SPAG16: variants seen among roughly 807,000 people sequenced by gnomAD.
The protein encoded by SPAG16 is sperm-associated antigen 16 protein.
SPAG16 carries 86 observed loss-of-function variants against 80.4 expected under a neutral mutation model. The observed-to-expected ratio is 1.07, with a 90% CI of 0.90 to 1.28. The LOEUF (loss-of-function observed/expected upper bound fraction) is 1.28. SPAG16 is among the 50% of genes most tolerant of loss of function. SPAG16 has a pLI of 0.00. For synonymous variants in SPAG16, 294 were observed against 265.9 expected (o/e 1.11, Z -1.03); for missense variants, 870 against 765.3 (o/e 1.14, Z -1.61).
chr2:213,917,276 A>G (rs2078016315), intron 11 of SPAG16, among the ~76,000 whole-genome samples: 1 of 152,074 alleles, frequency 6.6e-6, no homozygotes, highest in Non-Finnish European at 1.5e-5. Flanking sequence ...TTTTGGTTCT[A>G]TAGGAATTTT....
chr2:213,929,963 C>T lies in SPAG16; in HGVS notation c.1218C>T (p.Gly406=), dbSNP rs146582764. 3.3e-4 allele frequency: 521 copies of T among 1,599,100 alleles called. No individual in the cohort carries two copies. The East Asian group carries it at 7.2e-3, about 22-fold the overall frequency. Reference sequence around the variant, plus strand: ...CTTTTTATGTTTTTGCAAATAGTGGCGACAAATTGGCTACTTCAAGTGGTG... The same window carrying T: ...CTTTTTATGTTTTTGCAAATAGTGGTGACAAATTGGCTACTTCAAGTGGTG... ...WLSDCCFHPS[G]DKLATSSGDT... is the part of the protein sequence containing the mutation. The change falls in exon 12 of 16, where the codon GGC becomes GGT. Residue 406 remains glycine (G), a synonymous_variant. Coordinates refer to ENST00000331683, the MANE Select transcript of SPAG16 (RefSeq NM_024532.5).
chr2:213,500,926 G>C (rs899117079), intron 10 of SPAG16, among the ~76,000 whole-genome samples: 4 of 152,094 alleles, frequency 2.6e-5, no homozygotes, highest in African/African-American at 9.7e-5. Context: ...AACTGTGTAG[G>C]TCATGAGTAA....
intron 15 of SPAG16, among the ~76,000 whole-genome samples, chr2:214,154,868 T>A (rs1354809048): frequency 6.6e-6 from 1 of 151,978 alleles, no homozygotes; most frequent in Non-Finnish European, 1.5e-5. Context: ...CTAAAACGAT[T>A]GAAAGAAACA....
At chr2:214,197,787 G>T (rs566428856) in intron 15 of SPAG16, among the ~76,000 whole-genome samples, 2 of 151,652 alleles carry the variant, frequency 1.3e-5, no homozygotes, top group Admixed American at 6.6e-5. Flanking sequence ...ATAATCACCT[G>T]TGTTTTTTAT....
chr2:214,348,884 A>C (rs1698226285), intron 15 of SPAG16, among the ~76,000 whole-genome samples: 2 of 152,244 alleles, frequency 1.3e-5, no homozygotes. Flanking sequence ...AGTGATACAT[A>C]ACCAGAATAG....
chr2:214,120,278 T>C (rs555428977), intron 14 of SPAG16, among the ~76,000 whole-genome samples: 1 of 152,008 alleles, frequency 6.6e-6, no homozygotes, highest in South Asian at 2.1e-4. Flanking sequence ...TCAATCTTTC[T>C]TTAGCTGAAT....
chr2:214,209,591 C>T (rs749828458), intron 15 of SPAG16, among the ~76,000 whole-genome samples: 26 of 152,238 alleles, frequency 1.7e-4, no homozygotes, highest in African/African-American at 2.4e-4. Context: ...GGAAGTAATA[C>T]GTCTTTGCAG....
intron 11 of SPAG16, among the ~76,000 whole-genome samples, chr2:213,911,340 T>C (rs2077656554): frequency 6.6e-6 from 1 of 152,136 alleles, no homozygotes; most frequent in Non-Finnish European, 1.5e-5. Context: ...AGACGAGGTT[T>C]CACAGTGTTG....
chr2:213,673,217 AT>A (rs1231509793), intron 10 of SPAG16, among the ~76,000 whole-genome samples: 1 of 152,138 alleles, frequency 6.6e-6, no homozygotes, highest in Non-Finnish European at 1.5e-5. Context: ...CACCACATGA[AT>A]TAGCAATCAT....
chr2:213,790,446 C>T (rs2070621961), intron 10 of SPAG16, among the ~76,000 whole-genome samples: 1 of 151,880 alleles, frequency 6.6e-6, no homozygotes, highest in African/African-American at 2.4e-5. Context: ...TAACCAAAAG[C>T]ATATTTTTGG....
chr2:214,396,093 T>C (rs1701354152), intron 15 of SPAG16, among the ~76,000 whole-genome samples: 1 of 152,112 alleles, frequency 6.6e-6, no homozygotes. Flanking sequence ...CAAGTTCTTC[T>C]GCGACTCATC....
At chr2:213,907,309 C>A (rs868818157) in intron 11 of SPAG16, among the ~76,000 whole-genome samples, 2 of 151,980 alleles carry the variant, frequency 1.3e-5, no homozygotes, top group Admixed American at 6.6e-5. Context: ...CAGGGAAATG[C>A]AAATCAAAAC....
chr2:214,256,663 C>T (rs1332610554), intron 15 of SPAG16, among the ~76,000 whole-genome samples: 1 of 151,886 alleles, frequency 6.6e-6, no homozygotes, highest in East Asian at 1.9e-4. Context: ...ACAACAAGAA[C>T]AACAACAAAC....
At chr2:214,286,328 C>T (rs1255635253) in intron 15 of SPAG16, among the ~76,000 whole-genome samples, 3 of 151,926 alleles carry the variant, frequency 2.0e-5, no homozygotes, top group Non-Finnish European at 4.4e-5. Context: ...AGTGTTCTCA[C>T]CACACACACA....
chr2:213,977,295 T>C (rs185182249), intron 12 of SPAG16, among the ~76,000 whole-genome samples: 21 of 152,064 alleles, frequency 1.4e-4, no homozygotes, highest in Admixed American at 1.2e-3. Flanking sequence ...CAGCTTGAGG[T>C]TCATATGCTG....
intron 11 of SPAG16, among the ~76,000 whole-genome samples, chr2:213,883,488 G>A (rs2076430349): frequency 6.6e-6 from 1 of 152,140 alleles, no homozygotes; most frequent in South Asian, 2.1e-4. Context: ...GTATGTTGTG[G>A]TTGTTCGGTA....
intron 10 of SPAG16, among the ~76,000 whole-genome samples, chr2:213,651,832 A>G (rs2063034631): frequency 6.6e-6 from 1 of 152,168 alleles, no homozygotes; most frequent in Admixed American, 6.5e-5. Flanking sequence ...TGTTTTATAA[A>G]TTGACTTTCA....
At chr2:214,360,534 T>G (rs1699116881) in intron 15 of SPAG16, among the ~76,000 whole-genome samples, 1 of 151,876 alleles carries the variant, frequency 6.6e-6, no homozygotes, top group Non-Finnish European at 1.5e-5. Flanking sequence ...TTGTCATTTT[T>G]TCTGAGATAG....
chr2:214,300,998 G>A (rs894613067), intron 15 of SPAG16, among the ~76,000 whole-genome samples: 7 of 148,480 alleles, frequency 4.7e-5, no homozygotes, highest in Admixed American at 6.7e-5. Flanking sequence ...ACACAGATGC[G>A]AAAATTCTCA....
Sources: gnomAD v4.1 joint callset for allele counts (sites outside exome capture counted in the v4.1 genomes callset) on GRCh38, gnomAD v4.1.1 for gene constraint, MANE v1.5 for transcripts, NCBI Gene and HGNC (gene_info 2026-07-23, HGNC 2026-07-21) for gene names.